Variants in RASSF8 observed in about 807,000 individuals in gnomAD.
RASSF8 encodes the protein Ras association domain family member 8, also known as ras association domain-containing protein 8.
In RASSF8, 22 loss-of-function variants were observed where a neutral mutation model predicts 48.5. The observed-to-expected ratio is 0.45, with a 90% CI of 0.32 to 0.65. The LOEUF (loss-of-function observed/expected upper bound fraction) is 0.65, where lower values mean the gene tolerates loss of function less well. Among genes scored for constraint, RASSF8 ranks in the 30% least tolerant of loss-of-function variants. The probability of loss-of-function intolerance (pLI) is 0.03; values close to 1 mark genes in which losing one functional copy is unlikely to be tolerated. For missense variants in RASSF8, 418 were observed against 489.2 expected, an observed-to-expected ratio of 0.85 and a Z score of 1.37; for synonymous variants, 127 against 171.5, an observed-to-expected ratio of 0.74 and a Z score of 2.03.
chr12:26,051,947 C>T (rs1943500159), intron 2 of RASSF8, among the ~76,000 whole-genome samples: 1 of 152,188 alleles, frequency 6.6e-6, no homozygotes, highest in Non-Finnish European at 1.5e-5. Context: ...CAGCACTATG[C>T]TTGGGGGCCA....
downstream of RASSF8, among the ~76,000 whole-genome samples, chr12:26,074,845 T>A (rs1461751070): frequency 1.3e-5 from 2 of 151,812 alleles, no homozygotes; most frequent in Non-Finnish European, 2.9e-5. Context: ...GCCCGGGAGG[T>A]CCAAGAGAGA....
intron 1 of RASSF8, among the ~76,000 whole-genome samples, chr12:25,970,917 A>C (rs115623237): frequency 0.045 from 6,851 of 152,308 alleles, 183 homozygotes; most frequent in Middle Eastern, 0.092. Flanking sequence ...ACGGTATTAA[A>C]ACCAGCCTGG....
intron 3 of RASSF8, among the ~76,000 whole-genome samples, chr12:26,058,513 A>G (rs912403558): frequency 6.9e-6 from 1 of 144,326 alleles, no homozygotes; most frequent in Non-Finnish European, 1.5e-5. Flanking sequence ...TCATGGGGGC[A>G]CTACACACAT....
At chr12:25,994,872 G>A (rs1215372998) in intron 1 of RASSF8, 165 bp from the exon 2 acceptor site, 4 of 152,196 alleles carry the variant, frequency 2.6e-5, no homozygotes, top group African/African-American at 9.7e-5. Flanking sequence ...AATTCAAATG[G>A]CTAAGGGGGA....
chr12:25,993,582 A>C (rs1326882720), intron 1 of RASSF8, among the ~76,000 whole-genome samples: 3 of 152,188 alleles, frequency 2.0e-5, no homozygotes, highest in Non-Finnish European at 2.9e-5. Context: ...GCCTCTTCTC[A>C]CTTGGTTTTC....
At chr12:26,018,774 C>G (rs1309986042) in intron 2 of RASSF8, among the ~76,000 whole-genome samples, 3 of 152,090 alleles carry the variant, frequency 2.0e-5, no homozygotes, top group Admixed American at 6.6e-5. Context: ...TTGATACGGC[C>G]CCAGACCCAG....
chr12:25,995,098 T>C lies in RASSF8; in HGVS notation c.-141T>C, dbSNP rs1942102709. The C allele has an allele frequency of 6.6e-6, 1 of 152,322 alleles. No individual in the cohort carries two copies. The highest frequency in any genetic ancestry group is 6.5e-5 in the Admixed American group (1 of 15,288). The allele number at this position is 152,322 out of a possible 1,614,324, so 9.4% of individuals were successfully genotyped here. A position where few individuals can be genotyped will look rare whatever the true frequency, so the allele number is the denominator to read the frequency against. Reference sequence around the variant, plus strand: ...GCTGTCCTTCCTCAAGACTACCTCATTCTCACTGGCTCGGAGACTCCTGCC... The same window carrying C: ...GCTGTCCTTCCTCAAGACTACCTCACTCTCACTGGCTCGGAGACTCCTGCC... On this transcript the variant is annotated 5_prime_UTR_variant, in exon 2 of 6. Transcript: ENST00000689635.
At chr12:25,998,362 T>G (rs1461452181) in intron 2 of RASSF8, among the ~76,000 whole-genome samples, 2 of 151,718 alleles carry the variant, frequency 1.3e-5, no homozygotes, top group East Asian at 3.9e-4. Flanking sequence ...TTTTTTTTTT[T>G]TTTTGAGATG....
chr12:26,020,865 C>T (rs1307739244), intron 2 of RASSF8, among the ~76,000 whole-genome samples: 3 of 152,114 alleles, frequency 2.0e-5, no homozygotes. Context: ...CTTTTGGGGC[C>T]TATGTTCTCA....
intron 2 of RASSF8, among the ~76,000 whole-genome samples, chr12:26,050,003 T>C (rs1450609444): frequency 6.6e-6 from 1 of 152,134 alleles, no homozygotes; most frequent in Non-Finnish European, 1.5e-5. Context: ...CAGGATGGTC[T>C]TGATCTCCAG....
chr12:25,964,982 G>A (rs970131511), intron 1 of RASSF8, among the ~76,000 whole-genome samples: 9 of 151,518 alleles, frequency 5.9e-5, no homozygotes, highest in Admixed American at 2.0e-4. Flanking sequence ...TTGCTCTGTC[G>A]TCCAGGCTGG....
At chr12:26,078,932 C>G in intron 5 of RASSF8, 1 of 1,154,428 alleles carries the variant, frequency 8.7e-7, no homozygotes, top group Non-Finnish European at 1.1e-6. Context: ...GACAAAGACC[C>G]AAACTAAAGC....
intron 2 of RASSF8, among the ~76,000 whole-genome samples, chr12:26,041,940 A>G (rs181072598): frequency 3.3e-4 from 50 of 152,322 alleles, no homozygotes; most frequent in Non-Finnish European, 5.4e-4. Flanking sequence ...AATTCAAAAT[A>G]CCCAAAACCT....
chr12:26,028,968 C>T (rs935657564), intron 2 of RASSF8, among the ~76,000 whole-genome samples: 3 of 152,036 alleles, frequency 2.0e-5, no homozygotes, highest in African/African-American at 7.2e-5. Flanking sequence ...ACATGCAAAA[C>T]TAATTGAAAA....
rs1318104774 is a variant in RASSF8 at position 26,070,077 on chromosome 12, A to T, written c.*1259A>T. 1.0e-6 allele frequency: 1 copy of T among 982,716 alleles called. No individual in the cohort carries two copies. Among genetic ancestry groups the T allele is most frequent in the African/African-American group, 1.7e-5 (1 of 57,164 alleles). The allele number at this position is 982,716 out of a possible 1,614,324, so 60.9% of individuals were successfully genotyped here. The stretch of plus-strand genomic sequence containing the variant: ...AATATTTAGACAGATTCAGTCAGAC[A>T]CCACTTAGCCATTTTTACATTCCCT... On this transcript the variant is annotated 3_prime_UTR_variant, in exon 6 of 6. Coordinates refer to ENST00000689635, the MANE Select transcript of RASSF8 (RefSeq NM_001394098.1).
chr12:25,970,716 G>A lies in RASSF8; in HGVS notation c.-203+11568G>A, dbSNP rs557310209. 3.3e-5 allele frequency among the ~76,000 whole-genome samples: 5 copies of A among 152,292 alleles called. No homozygotes were observed. In the East Asian group the frequency reaches 7.7e-4, roughly 24 times the overall value. Reference sequence around the variant, plus strand: ...TGGCTCTGGTCTCACACCCTGGGCTGGTCAGATGGCTGTCCTGCCTTACTG... The same window carrying A: ...TGGCTCTGGTCTCACACCCTGGGCTAGTCAGATGGCTGTCCTGCCTTACTG... On this transcript the variant is annotated intron_variant, in intron 1 of 5. Transcript: ENST00000689635.
In RASSF8 at chr12:26,069,462, T is replaced by G; in HGVS notation, c.*644T>G. On this transcript the variant is annotated 3_prime_UTR_variant, in exon 6 of 6. Transcript: ENST00000689635. ...CTGGAATTTAGTCGTTCCTTTACAA[T>G]ATTTCCAAATATACGTGTGGCCACA... 1.0e-6 allele frequency: 1 copy of G among 985,466 alleles called. No individual in the cohort carries two copies. The highest frequency in any genetic ancestry group is 1.2e-6 in the Non-Finnish European group (1 of 829,930). The allele number at this position is 985,466 out of a possible 1,614,324, so 61.0% of individuals were successfully genotyped here.
At chr12:26,043,132 G>C (rs1451188077) in intron 2 of RASSF8, among the ~76,000 whole-genome samples, 2 of 152,188 alleles carry the variant, frequency 1.3e-5, no homozygotes, top group East Asian at 3.8e-4. Context: ...ACAATCAGAG[G>C]AGTAGCCAGA....
intron 1 of RASSF8, among the ~76,000 whole-genome samples, chr12:25,991,985 A>G (rs1021549194): frequency 9.9e-5 from 15 of 152,238 alleles, no homozygotes; most frequent in Admixed American, 3.3e-4. Flanking sequence ...CCTTTTCCCC[A>G]TAATTACATG....
Sources: gnomAD v4.1 joint callset for allele counts (sites outside exome capture counted in the v4.1 genomes callset) on GRCh38, gnomAD v4.1.1 for gene constraint, MANE v1.5 for transcripts, NCBI Gene and HGNC (gene_info 2026-07-23, HGNC 2026-07-21) for gene names.